Variants in CERT1 observed in about 807,000 individuals in gnomAD.
CERT1 encodes ceramide transfer protein.
A neutral mutation model predicts 87.9 loss-of-function variants in CERT1; 31 were observed. That is an observed-to-expected ratio of 0.35 (90% CI 0.27 to 0.48). The LOEUF (loss-of-function observed/expected upper bound fraction) is 0.48, where lower values mean the gene tolerates loss of function less well. Among genes scored for constraint, CERT1 ranks in the 20% least tolerant of loss-of-function variants. The pLI is 0.99. For missense variants in CERT1, 487 were observed against 758.0 expected, an observed-to-expected ratio of 0.64 and a Z score of 4.20; for synonymous variants, 289 against 250.9, an observed-to-expected ratio of 1.15 and a Z score of -1.44.
At chr5:75,398,461 T>A (rs1472844051) in intron 11 of CERT1, among the ~76,000 whole-genome samples, 1 of 152,184 alleles carries the variant, frequency 6.6e-6, no homozygotes, top group Non-Finnish European at 1.5e-5. Context: ...ACTGGGATCA[T>A]ACACCTAACC....
chr5:75,448,758 T>C (rs2112272544), intron 3 of CERT1, among the ~76,000 whole-genome samples: 1 of 152,332 alleles, frequency 6.6e-6, no homozygotes, highest in South Asian at 2.1e-4. Context: ...AAAATTTAAA[T>C]ACCACATTAG....
At chr5:75,438,405 G>A (rs1381843539) in intron 3 of CERT1, among the ~76,000 whole-genome samples, 1 of 152,120 alleles carries the variant, frequency 6.6e-6, no homozygotes, top group African/African-American at 2.4e-5. Context: ...GCAGGGTTAA[G>A]GAAGTAAGGA....
chr5:75,429,094 C>T (rs1763754022), intron 3 of CERT1, among the ~76,000 whole-genome samples: 1 of 151,286 alleles, frequency 6.6e-6, no homozygotes, highest in African/African-American at 2.4e-5. Flanking sequence ...CAAAAAACAT[C>T]CCTACCCCTA....
At chr5:75,382,229 CAG>C (rs1421760673) in intron 14 of CERT1, 152 bp from the exon 15 acceptor site, 8 of 673,686 alleles carry the variant, frequency 1.2e-5, no homozygotes, top group African/African-American at 7.2e-5. Flanking sequence ...TAATTATGAA[CAG>C]AGTTAATAGC....
At chr5:75,418,036 A>T (rs190039987) in intron 6 of CERT1, among the ~76,000 whole-genome samples, 1 of 152,154 alleles carries the variant, frequency 6.6e-6, no homozygotes, top group African/African-American at 2.4e-5. Context: ...CATGCCTGTA[A>T]TCCCAGCTAC....
chr5:75,505,020 C>G (rs1311195174), intron 2 of CERT1, among the ~76,000 whole-genome samples: 1 of 152,172 alleles, frequency 6.6e-6, no homozygotes, highest in East Asian at 1.9e-4. Flanking sequence ...GGCGCGGTGG[C>G]TCATGCCTGT....
chr5:75,396,683 C>T (rs1399882911), intron 11 of CERT1, among the ~76,000 whole-genome samples: 1 of 146,692 alleles, frequency 6.8e-6, no homozygotes, highest in South Asian at 2.2e-4. Flanking sequence ...GAGCCAAGAT[C>T]GTACCATTGC....
At chr5:75,370,304 A>C (rs1761035338) in intron 17 of CERT1, 1 of 152,226 alleles carries the variant, frequency 6.6e-6, no homozygotes, top group South Asian at 2.1e-4. Flanking sequence ...ATGGAAGTCC[A>C]CACTTCCCAT....
At chr5:75,500,058 T>C (rs1216504475) in intron 2 of CERT1, among the ~76,000 whole-genome samples, 1 of 152,030 alleles carries the variant, frequency 6.6e-6, no homozygotes, top group Non-Finnish European at 1.5e-5. Context: ...GACAAATACA[T>C]AAAAAGAATG....
chr5:75,469,985 T>C (rs2112350188), intron 2 of CERT1, among the ~76,000 whole-genome samples: 1 of 152,172 alleles, frequency 6.6e-6, no homozygotes, highest in East Asian at 1.9e-4. Context: ...TTATTATATA[T>C]TGATAATTCA....
At chr5:75,454,447 G>A (rs983507015) in intron 3 of CERT1, among the ~76,000 whole-genome samples, 5 of 152,146 alleles carry the variant, frequency 3.3e-5, no homozygotes, top group Non-Finnish European at 5.9e-5. Context: ...CAAAAATGAT[G>A]TCAGACAAAA....
intron 2 of CERT1, among the ~76,000 whole-genome samples, chr5:75,465,813 A>G (rs2112335630): frequency 6.6e-6 from 1 of 152,318 alleles, no homozygotes; most frequent in African/African-American, 2.4e-5. Flanking sequence ...TGGTCCTGTT[A>G]TAGAATCAAA....
At chr5:75,376,323 T>C (rs1761314274), downstream of CERT1, 1 of 152,182 alleles carries the variant, frequency 6.6e-6, no homozygotes, top group Non-Finnish European at 1.5e-5. Flanking sequence ...TCTGAGAACC[T>C]TTGGTAAGGA....
intron 11 of CERT1, among the ~76,000 whole-genome samples, chr5:75,394,103 T>C (rs1426692244): frequency 1.3e-5 from 2 of 152,204 alleles, no homozygotes; most frequent in African/African-American, 4.8e-5. Context: ...ACTTTTAGCC[T>C]ACCGTATTGA....
chr5:75,410,736 T>C, intron 8 of CERT1: 1 of 217,672 alleles, frequency 4.6e-6, no homozygotes, highest in Non-Finnish European at 8.8e-6. Context: ...ACATTAAAAA[T>C]GATCATCTTT....
chr5:75,496,855 A>G (rs972879825), intron 2 of CERT1, among the ~76,000 whole-genome samples: 2 of 152,208 alleles, frequency 1.3e-5, no homozygotes, highest in African/African-American at 4.8e-5. Context: ...TTATATACTC[A>G]TGTGGTAATG....
upstream of CERT1, chr5:75,511,896 C>A (rs918591683): frequency 2.8e-6 from 4 of 1,430,498 alleles, no homozygotes; most frequent in South Asian, 2.6e-5. Flanking sequence ...GAGTTGTAGT[C>A]GCGATCCTGA....
intron 8 of CERT1, among the ~76,000 whole-genome samples, chr5:75,406,122 A>G (rs1762697614): frequency 6.6e-6 from 1 of 152,214 alleles, no homozygotes; most frequent in African/African-American, 2.4e-5. Flanking sequence ...TTCTTGATTA[A>G]AACCTATTGT....
chr5:75,431,670 G>A (rs774131365), intron 3 of CERT1, among the ~76,000 whole-genome samples: 1 of 152,156 alleles, frequency 6.6e-6, no homozygotes. Context: ...TGCAGTATTT[G>A]TTTTTCTGAT....
Sources: gnomAD v4.1 joint callset for allele counts (sites outside exome capture counted in the v4.1 genomes callset) on GRCh38, gnomAD v4.1.1 for gene constraint, MANE v1.5 for transcripts, NCBI Gene and HGNC (gene_info 2026-07-23, HGNC 2026-07-21) for gene names.